Variants in CEP128 observed in about 807,000 individuals in gnomAD.
The protein encoded by CEP128 is centrosomal protein 128kDa.
A neutral mutation model predicts 156.7 loss-of-function variants in CEP128; 132 were observed. The ratio of observed to expected loss-of-function variants is 0.84; its 90% confidence interval spans 0.73 to 0.97. The LOEUF is 0.97. CEP128 is among the 50% of genes least tolerant of loss of function. The pLI, the probability that CEP128 is intolerant of heterozygous loss-of-function variation, is 0.00. For synonymous variants in CEP128, 469 were observed against 448.9 expected (o/e 1.04, Z -0.57); for missense variants, 1,252 against 1,281.9 (o/e 0.98, Z 0.36).
At chr14:80,898,322 A>G (rs1246469527) in intron 7 of CEP128, among the ~76,000 whole-genome samples, 1 of 152,218 alleles carries the variant, frequency 6.6e-6, no homozygotes, top group Non-Finnish European at 1.5e-5. Context: ...TCTGTAGTAC[A>G]AGTAAAGCAG....
chr14:80,742,389 C>T lies in CEP128; in HGVS notation c.2806+686G>A, dbSNP rs78275341. On this transcript the variant is annotated intron_variant, in intron 19 of 24. Coordinates refer to ENST00000555265, the MANE Select transcript of CEP128 (RefSeq NM_152446.5). ...CTCACCTTGGGCTGGTCCTCCACAA[C>T]GTCTTTTGCATTTGTTGCCTGTTTT... Among the ~76,000 whole-genome samples the T allele has an allele frequency of 5.3e-3, 803 of 152,218 alleles. 13 individuals carry two copies. Among genetic ancestry groups the T allele is most frequent in the African/African-American group, 0.019 (771 of 41,554 alleles).
chr14:80,614,242 A>G (rs919372299), intron 19 of CEP128, among the ~76,000 whole-genome samples: 3 of 152,224 alleles, frequency 2.0e-5, no homozygotes, highest in Non-Finnish European at 4.4e-5. Context: ...TTTGTTTCAC[A>G]GAATTATATT....
At chr14:80,584,401 C>T (rs571357651) in intron 19 of CEP128, among the ~76,000 whole-genome samples, 1 of 152,236 alleles carries the variant, frequency 6.6e-6, no homozygotes, top group South Asian at 2.1e-4. Flanking sequence ...CCGCCTCGGC[C>T]TCCCAAAGTG....
intron 19 of CEP128, among the ~76,000 whole-genome samples, chr14:80,718,318 G>C (rs925617217): frequency 6.6e-6 from 1 of 152,142 alleles, no homozygotes; most frequent in East Asian, 1.9e-4. Flanking sequence ...TTCAGCAAAA[G>C]TAAAGTTGCA....
At chr14:80,660,924 T>C (rs954368908) in intron 19 of CEP128, among the ~76,000 whole-genome samples, 1 of 152,190 alleles carries the variant, frequency 6.6e-6, no homozygotes, top group Non-Finnish European at 1.5e-5. Flanking sequence ...TCAATAGCAT[T>C]AGCCGAGTCA....
chr14:80,897,590 T>C lies in CEP128; in HGVS notation c.573-1800A>G, dbSNP rs182350794. ...AGTGGAATTACCATCTACCTAGTTA[T>C]TCAAATTGAAAATCTTAGAGTCATC... is the stretch of plus-strand genomic sequence containing the variant. On this transcript the variant is annotated intron_variant, in intron 7 of 24. Coordinates refer to ENST00000555265, the MANE Select transcript of CEP128 (RefSeq NM_152446.5). 9.2e-4 allele frequency among the ~76,000 whole-genome samples: 138 copies of C among 150,324 alleles called. 1 individual carries two copies. Among genetic ancestry groups the C allele is most frequent in the Non-Finnish European group, 7.7e-4 (52 of 67,652 alleles).
chr14:80,747,305 A>C (rs1446520940), intron 18 of CEP128, among the ~76,000 whole-genome samples: 1 of 152,244 alleles, frequency 6.6e-6, no homozygotes, highest in Non-Finnish European at 1.5e-5. Flanking sequence ...GCAGCATTAT[A>C]ATAACAGCCA....
intron 14 of CEP128, among the ~76,000 whole-genome samples, chr14:80,792,054 A>G (rs1268381380): frequency 1.3e-5 from 2 of 152,262 alleles, no homozygotes; most frequent in Non-Finnish European, 2.9e-5. Flanking sequence ...TCTTATAAAC[A>G]TCTGGGTTTA....
chr14:80,728,199 C>T (rs576854367), intron 19 of CEP128, among the ~76,000 whole-genome samples: 1 of 152,294 alleles, frequency 6.6e-6, no homozygotes, highest in Admixed American at 6.5e-5. Context: ...ATGTCCTTTG[C>T]AGCAACATGT....
In CEP128 at chr14:80,738,766, G is replaced by C. The variant is rs552436431; in HGVS notation, c.2806+4309C>G. 3.3e-5 allele frequency among the ~76,000 whole-genome samples: 5 copies of C among 152,070 alleles called. 1 individual carries two copies. The highest frequency in any genetic ancestry group is 7.4e-5 in the Non-Finnish European group (5 of 68,000). ...ATTAAGCTTTATCATAGGTTTGTAT[G>C]TATAGGAAAAAACAGTTCATATAGG... is the stretch of plus-strand genomic sequence containing the variant. On this transcript the variant is annotated intron_variant, in intron 19 of 24. Coordinates refer to ENST00000555265, the MANE Select transcript of CEP128 (RefSeq NM_152446.5).
rs368418465 is a variant in CEP128 at position 80,836,272 on chromosome 14, T to C, written c.990A>G (p.Val330=). The change falls in exon 12 of 25, where the codon GTA becomes GTG. Residue 330 remains valine (V), a synonymous_variant. Coordinates refer to ENST00000555265, the MANE Select transcript of CEP128 (RefSeq NM_152446.5). ...TTGACTGTTGCTTGGAAATCTGAGA[T>C]ACTTGATGCTGTAAACCCTTTCGAT... The part of the protein sequence containing the change: ...EGDRKGLQHQ[V]SQISKQQSNY... 3.7e-6 allele frequency: 6 copies of C among 1,613,938 alleles called. No individual in the cohort carries two copies. In the African/African-American group the frequency reaches 8.0e-5, roughly 22 times the overall value.
chr14:80,610,740 A>G (rs972129734), intron 19 of CEP128, among the ~76,000 whole-genome samples: 3 of 152,152 alleles, frequency 2.0e-5, no homozygotes, highest in African/African-American at 7.2e-5. Context: ...TATGCATGTT[A>G]TTATTCACTG....
chr14:80,725,762 T>C (rs1455138873), intron 19 of CEP128, among the ~76,000 whole-genome samples: 1 of 152,174 alleles, frequency 6.6e-6, no homozygotes, highest in Non-Finnish European at 1.5e-5. Context: ...GTAGAAAAGA[T>C]CTCAAACTCT....
intron 19 of CEP128, among the ~76,000 whole-genome samples, chr14:80,627,950 A>G (rs868130395): frequency 1.3e-5 from 2 of 152,140 alleles, no homozygotes; most frequent in Admixed American, 6.5e-5. Context: ...TAACCCATTC[A>G]TCTCACTCAG....
intron 13 of CEP128, among the ~76,000 whole-genome samples, chr14:80,795,822 T>C (rs905369584): frequency 3.0e-4 from 45 of 152,214 alleles, no homozygotes; most frequent in Admixed American, 2.9e-3. Context: ...AATTTACCAA[T>C]GGTCAGTTTC....
intron 19 of CEP128, among the ~76,000 whole-genome samples, chr14:80,686,562 A>T (rs1258013771): frequency 6.6e-6 from 1 of 152,160 alleles, no homozygotes; most frequent in Non-Finnish European, 1.5e-5. Context: ...ATAGAATCAA[A>T]TTCACATATA....
rs1248604288 is a variant in CEP128, at chr14:80,880,910, T to TAATAATAAG, written c.645+14807_645+14808insCTTATTATT. The stretch of plus-strand genomic sequence containing the variant: ...ATAATAATAATAATAATAATAATAA[T>TAATAATAAG]TTCAGTAAAGGATACAAAATCAACA... On this transcript the variant is annotated intron_variant, in intron 8 of 24. Transcript: ENST00000555265. Among the ~76,000 whole-genome samples the TAATAATAAG allele has an allele frequency of 6.0e-3, 857 of 142,268 alleles. 20 individuals are homozygous for TAATAATAAG. The highest frequency in any genetic ancestry group is 0.02 in the African/African-American group (781 of 38,388). The allele number at this position is 142,268 out of a possible 152,430, so 93.3% of individuals were successfully genotyped here.
intron 19 of CEP128, among the ~76,000 whole-genome samples, chr14:80,606,468 T>C (rs1441974607): frequency 6.6e-6 from 1 of 152,118 alleles, no homozygotes; most frequent in African/African-American, 2.4e-5. Flanking sequence ...CAATTTCATG[T>C]TGCCACAATA....
intron 23 of CEP128, among the ~76,000 whole-genome samples, chr14:80,523,870 A>G (rs1287685523): frequency 6.6e-6 from 1 of 152,220 alleles, no homozygotes; most frequent in Non-Finnish European, 1.5e-5. Flanking sequence ...AACTTTTTCT[A>G]TAGAGGGCCA....
Sources: allele counts gnomAD v4.1 joint callset (sites outside exome capture counted in the v4.1 genomes callset), GRCh38; gene constraint gnomAD v4.1.1; transcripts MANE v1.5; gene names NCBI Gene and HGNC (gene_info 2026-07-23, HGNC 2026-07-21).